JPH3: variants seen among roughly 807,000 people sequenced by gnomAD.
The protein encoded by JPH3 is junctophilin 3.
A neutral mutation model predicts 59.6 loss-of-function variants in JPH3; 11 were observed. That is an observed-to-expected ratio of 0.18 (90% CI 0.12 to 0.31). JPH3 has a LOEUF of 0.31. Among genes scored for constraint, JPH3 ranks in the 10% least tolerant of loss-of-function variants. JPH3 has a pLI of 1.00. For missense variants in JPH3, 1,202 were observed against 1,105.7 expected, an observed-to-expected ratio of 1.09 and a Z score of -1.24; for synonymous variants, 673 against 483.6, an observed-to-expected ratio of 1.39 and a Z score of -5.14.
Position 87,644,725 on chromosome 16 carries a change from A to G in JPH3, c.850A>G (p.Thr284Ala). 1.2e-6 allele frequency: 2 copies of G among 1,612,238 alleles called. No homozygotes were observed. Among genetic ancestry groups the G allele is most frequent in the Non-Finnish European group, 1.7e-6 (2 of 1,179,824 alleles). Residue 284 changes from threonine to alanine, a missense_variant, in exon 2 of 5, where the codon ACC (threonine) becomes GCC (alanine). Transcript: ENST00000284262. ...AVIEDDIDAT[T>A]TETYVGEWKN... ...CATCGAGGACGACATCGACGCCACC[A>G]CCACCGAGACCTACGTGGGCGAGTG...
intron 1 of JPH3, among the ~76,000 whole-genome samples, chr16:87,615,762 G>T (rs147139277): frequency 0.012 from 1,757 of 152,294 alleles, 11 homozygotes; most frequent in Middle Eastern, 0.02. Flanking sequence ...CTGGGACCAC[G>T]CCTTGAGAAG....
At chr16:87,670,520 C>T (rs1401150419) in intron 2 of JPH3, among the ~76,000 whole-genome samples, 1 of 152,242 alleles carries the variant, frequency 6.6e-6, no homozygotes, top group Non-Finnish European at 1.5e-5. Flanking sequence ...CTGTCCCTCT[C>T]CCCAGGCCCA....
At chr16:87,653,288 C>A (rs1334094644) in intron 2 of JPH3, among the ~76,000 whole-genome samples, 1 of 152,328 alleles carries the variant, frequency 6.6e-6, no homozygotes, top group East Asian at 1.9e-4. Context: ...GTGTGCCTGC[C>A]CCAAGCTGGG....
intron 3 of JPH3, among the ~76,000 whole-genome samples, chr16:87,688,738 G>A (rs1290516686): frequency 6.6e-6 from 1 of 152,196 alleles, no homozygotes; most frequent in Non-Finnish European, 1.5e-5. Flanking sequence ...TCTGTGCTGA[G>A]CCTAGGACGC....
chr16:87,644,286 C>T lies in JPH3; in HGVS notation c.411C>T (p.Gly137=). The stretch of plus-strand genomic sequence containing the variant: ...CCTACCAGGGCCAGTGGGTCGGTGG[C>T]ATGCGCCAGGGCTACGGCGTCCGGC... ...GGTYQGQWVG[G]MRQGYGVRQS... Residue 137 remains glycine, a synonymous_variant, in exon 2 of 5, where the codon GGC becomes GGT. Coordinates refer to ENST00000284262, the MANE Select transcript of JPH3 (RefSeq NM_020655.4). 1 of 1,611,034 alleles carries T rather than the reference C, an allele frequency of 6.2e-7. No individual in the cohort carries two copies. The highest frequency in any genetic ancestry group is 8.5e-7 in the Non-Finnish European group (1 of 1,179,040).
chr16:87,636,645 G>C (rs536358368), intron 1 of JPH3, among the ~76,000 whole-genome samples: 24 of 152,298 alleles, frequency 1.6e-4, no homozygotes, highest in African/African-American at 5.3e-4. Flanking sequence ...GTGTGCTTTC[G>C]TGTAGCCAAA....
chr16:87,632,205 G>A (rs112950601), intron 1 of JPH3, among the ~76,000 whole-genome samples: 13 of 152,258 alleles, frequency 8.5e-5, no homozygotes, highest in African/African-American at 2.9e-4. Flanking sequence ...TTTGGGTGGG[G>A]TAGCAAGCAG....
rs536135086 is a variant in JPH3, at chr16:87,642,506, G to A, written c.383-1752G>A. Among the ~76,000 whole-genome samples the A allele has an allele frequency of 7.6e-4, 116 of 152,372 alleles. 3 individuals are homozygous for A. Among genetic ancestry groups the A allele is most frequent in the Admixed American group, 7.6e-3 (116 of 15,314 alleles). ...GTAATTCCAATGTTTTATGAAAACA[G>A]CGGTGGGACGAATAAAACCTACGTA... is the stretch of plus-strand genomic sequence containing the variant. On this transcript the variant is annotated intron_variant, in intron 1 of 4. Coordinates refer to ENST00000284262, the MANE Select transcript of JPH3 (RefSeq NM_020655.4).
intron 1 of JPH3, among the ~76,000 whole-genome samples, chr16:87,630,078 C>T (rs2031516003): frequency 6.6e-6 from 1 of 152,264 alleles, no homozygotes; most frequent in South Asian, 2.1e-4. Context: ...TGCTGGAAGC[C>T]AGTTGGGGCG....
intron 4 of JPH3, among the ~76,000 whole-genome samples, chr16:87,693,005 G>A (rs554495115): frequency 7.9e-5 from 12 of 152,372 alleles, no homozygotes; most frequent in African/African-American, 2.9e-4. Context: ...CAGTGGGCAG[G>A]GCTGGGCCCT....
chr16:87,648,494 G>A (rs1300894232), intron 2 of JPH3, among the ~76,000 whole-genome samples: 4 of 152,160 alleles, frequency 2.6e-5, no homozygotes, highest in Non-Finnish European at 4.4e-5. Flanking sequence ...TTGTCAGGCC[G>A]CGTGAAGTGA....
chr16:87,640,445 C>G (rs186139011), intron 1 of JPH3, among the ~76,000 whole-genome samples: 1 of 151,868 alleles, frequency 6.6e-6, no homozygotes, highest in African/African-American at 2.4e-5. Context: ...GGCTGGAGTG[C>G]AGTGGCATGA....
At chr16:87,646,538 C>A (rs1388715835) in intron 2 of JPH3, among the ~76,000 whole-genome samples, 1 of 152,222 alleles carries the variant, frequency 6.6e-6, no homozygotes, top group East Asian at 1.9e-4. Flanking sequence ...ACTTGTTCCA[C>A]AGGAAAATAA....
chr16:87,622,226 G>A (rs142375187), intron 1 of JPH3, among the ~76,000 whole-genome samples: 7 of 152,302 alleles, frequency 4.6e-5, no homozygotes, highest in Admixed American at 1.3e-4. Context: ...GGTCCTGTGC[G>A]TCCCTGCGTC....
Position 87,644,982 on chromosome 16 carries a change from C to A in JPH3, c.1107C>A (p.Ala369=). Residue 369 remains alanine (A), a synonymous_variant, in exon 2 of 5, where the codon GCC becomes GCA. Coordinates refer to ENST00000284262, the MANE Select transcript of JPH3 (RefSeq NM_020655.4). ...IREKVDRAVE[A]AERAATIAKQ... ...AGAAGGTGGACCGCGCCGTTGAGGC[C>A]GCTGAGCGGGCCGCCACCATCGCCA... 2.5e-6 allele frequency: 4 copies of A among 1,609,244 alleles called. No individual in the cohort carries two copies. The highest frequency in any genetic ancestry group is 2.5e-6 in the Non-Finnish European group (3 of 1,179,776).
chr16:87,668,114 C>T (rs2032921201), intron 2 of JPH3, among the ~76,000 whole-genome samples: 1 of 152,210 alleles, frequency 6.6e-6, no homozygotes, highest in Admixed American at 6.5e-5. Flanking sequence ...CTCCGTGGGC[C>T]AACTTTTGGT....
chr16:87,637,716 T>A (rs1490545747), intron 1 of JPH3, among the ~76,000 whole-genome samples: 1 of 152,046 alleles, frequency 6.6e-6, no homozygotes, highest in African/African-American at 2.4e-5. Context: ...CCATTCCGCC[T>A]CGTGGTGCCC....
chr16:87,604,496 G>T, intron 1 of JPH3: 1 of 1,320,696 alleles, frequency 7.6e-7, no homozygotes, highest in East Asian at 4.4e-5. Context: ...TCCCATGTGG[G>T]AGCTTATCCT....
At chr16:87,633,623 A>G (rs1169905433) in intron 1 of JPH3, among the ~76,000 whole-genome samples, 1 of 151,918 alleles carries the variant, frequency 6.6e-6, no homozygotes, top group African/African-American at 2.4e-5. Context: ...ACATGGTGAA[A>G]CCCTGTCTCT....
Sources: allele counts gnomAD v4.1 joint callset (sites outside exome capture counted in the v4.1 genomes callset), GRCh38; gene constraint gnomAD v4.1.1; transcripts MANE v1.5; gene names NCBI Gene and HGNC (gene_info 2026-07-23, HGNC 2026-07-21).